Variants in FHIT observed in about 807,000 individuals in gnomAD.
The protein encoded by FHIT is bis(5'-adenosyl)-triphosphatase.
In FHIT, 19 loss-of-function variants were observed where a neutral mutation model predicts 17.9. The ratio of observed to expected loss-of-function variants is 1.06; its 90% CI spans 0.74 to 1.56. The LOEUF (loss-of-function observed/expected upper bound fraction) is 1.56, where lower values mean the gene tolerates loss of function less well. FHIT is among the 40% of genes most tolerant of loss of function. The probability of loss-of-function intolerance (pLI) is 0.00; values close to 1 mark genes in which losing one functional copy is unlikely to be tolerated. For synonymous variants in FHIT, 81 were observed against 69.7 expected (o/e 1.16, Z -0.81); for missense variants, 248 against 189.2 (o/e 1.31, Z -1.82).
At chr3:60,932,359 C>G (rs1466949395) in intron 3 of FHIT, among the ~76,000 whole-genome samples, 1 of 152,160 alleles carries the variant, frequency 6.6e-6, no homozygotes, top group Admixed American at 6.5e-5. Context: ...CTTCCTATCT[C>G]TTCTCCACCC....
At chr3:59,878,909 T>C (rs1308353054) in intron 8 of FHIT, among the ~76,000 whole-genome samples, 1 of 152,174 alleles carries the variant, frequency 6.6e-6, no homozygotes, top group Non-Finnish European at 1.5e-5. Context: ...ACTCCCCTTG[T>C]TCATATCTTA....
intron 4 of FHIT, among the ~76,000 whole-genome samples, chr3:60,568,396 G>C (rs962030841): frequency 2.0e-4 from 31 of 151,810 alleles, no homozygotes; most frequent in African/African-American, 9.7e-5. Flanking sequence ...TCATAGGTGG[G>C]AATTGAACAA....
At chr3:60,115,402 T>C (rs1704911415) in intron 5 of FHIT, among the ~76,000 whole-genome samples, 1 of 152,196 alleles carries the variant, frequency 6.6e-6, no homozygotes, top group Non-Finnish European at 1.5e-5. Flanking sequence ...TACCATATGA[T>C]AAAATACTCA....
At chr3:60,189,251 G>C (rs1361196188) in intron 5 of FHIT, among the ~76,000 whole-genome samples, 1 of 152,092 alleles carries the variant, frequency 6.6e-6, no homozygotes, top group East Asian at 1.9e-4. Flanking sequence ...GGGGGGGAAA[G>C]AGGAGAAAGA....
intron 3 of FHIT, among the ~76,000 whole-genome samples, chr3:61,020,570 C>A (rs2032363821): frequency 6.6e-6 from 1 of 152,098 alleles, no homozygotes; most frequent in Admixed American, 6.6e-5. Context: ...AAAAACATAA[C>A]AAATTATAAA....
Position 60,883,600 on chromosome 3 carries a change from A to C in FHIT, c.-110-61589T>G, listed in dbSNP as rs189386829. On this transcript the variant is annotated intron_variant, in intron 3 of 9. Coordinates refer to ENST00000492590, the MANE Select transcript of FHIT (RefSeq NM_002012.4). ...ACTGATTTTTGACAAAATGCCAAAA[A>C]CATTGAGTGTGCAAAGGACAGTCTA... Among the ~76,000 whole-genome samples the C allele has an allele frequency of 1.6e-4, 25 of 152,318 alleles. No homozygotes were observed. The East Asian group carries it at 4.6e-3, about 28-fold the overall frequency.
At chr3:61,127,295 A>G (rs1195969324) in intron 2 of FHIT, among the ~76,000 whole-genome samples, 2 of 152,152 alleles carry the variant, frequency 1.3e-5, no homozygotes, top group Non-Finnish European at 2.9e-5. Flanking sequence ...AAGACTAGAC[A>G]CTGCCATGGC....
At chr3:60,735,110 G>A (rs1010265450) in intron 4 of FHIT, among the ~76,000 whole-genome samples, 1 of 152,130 alleles carries the variant, frequency 6.6e-6, no homozygotes, top group Non-Finnish European at 1.5e-5. Context: ...AAAATTATGT[G>A]GATTGGTTGA....
chr3:59,834,469 A>G (rs950582485), intron 8 of FHIT, among the ~76,000 whole-genome samples: 2 of 152,214 alleles, frequency 1.3e-5, no homozygotes, highest in Non-Finnish European at 2.9e-5. Context: ...TCAAAATATT[A>G]TAAACTGGTT....
chr3:60,438,159 G>A (rs942143900), intron 5 of FHIT, among the ~76,000 whole-genome samples: 8 of 151,980 alleles, frequency 5.3e-5, no homozygotes, highest in African/African-American at 1.7e-4. Context: ...GCTCACTCAA[G>A]CAAAGCTATC....
intron 5 of FHIT, among the ~76,000 whole-genome samples, chr3:60,492,321 G>C (rs1446770483): frequency 2.8e-4 from 43 of 152,052 alleles, no homozygotes; most frequent in Non-Finnish European, 1.0e-4. Context: ...TCAAATAATT[G>C]TTTCTCACAT....
chr3:60,095,853 T>G (rs1165622361), intron 5 of FHIT, among the ~76,000 whole-genome samples: 3 of 152,196 alleles, frequency 2.0e-5, no homozygotes, highest in Non-Finnish European at 4.4e-5. Context: ...TTTATTGACT[T>G]GGTCCAGAAT....
At chr3:60,097,106 G>A (rs1203974304) in intron 5 of FHIT, among the ~76,000 whole-genome samples, 1 of 151,306 alleles carries the variant, frequency 6.6e-6, no homozygotes, top group Non-Finnish European at 1.5e-5. Flanking sequence ...GTGGCCAGGT[G>A]AAAACATACC....
At chr3:61,118,215 G>A (rs1394962246) in intron 2 of FHIT, among the ~76,000 whole-genome samples, 1 of 152,174 alleles carries the variant, frequency 6.6e-6, no homozygotes, top group African/African-American at 2.4e-5. Context: ...TTAAGTCGCT[G>A]AAAGGCCTAT....
At chr3:60,535,185 C>A (rs2035936873) in intron 5 of FHIT, among the ~76,000 whole-genome samples, 1 of 152,178 alleles carries the variant, frequency 6.6e-6, no homozygotes, top group Non-Finnish European at 1.5e-5. Context: ...GATTGTGCCA[C>A]TGCAACTTAG....
At chr3:61,078,619 C>T (rs1010643576) in intron 2 of FHIT, among the ~76,000 whole-genome samples, 1 of 152,166 alleles carries the variant, frequency 6.6e-6, no homozygotes, top group African/African-American at 2.4e-5. Context: ...AAAGACTGAT[C>T]ATTGCTTATG....
intron 5 of FHIT, among the ~76,000 whole-genome samples, chr3:60,097,285 G>C (rs1703992572): frequency 6.6e-6 from 1 of 152,066 alleles, no homozygotes. Flanking sequence ...TGGAATAGTA[G>C]GAAGGGGGAG....
At chr3:60,397,091 A>G (rs1187338485) in intron 5 of FHIT, among the ~76,000 whole-genome samples, 1 of 152,224 alleles carries the variant, frequency 6.6e-6, no homozygotes, top group Non-Finnish European at 1.5e-5. Context: ...TAGAAAATGT[A>G]TTATACAGAT....
rs1700740308 is a variant in FHIT at position 59,749,041 on chromosome 3, G to GT, written c.*543_*544insA. On this transcript the variant is annotated 3_prime_UTR_variant, in exon 10 of 10. Coordinates refer to ENST00000492590, the MANE Select transcript of FHIT (RefSeq NM_002012.4). ...TGAGGGAATAATCACGAAAGCTGGA[G>GT]AAGGCCAAGTCTATCTGACCTTCAG... 6.6e-6 allele frequency among the ~76,000 whole-genome samples: 1 copy of GT among 152,154 alleles called. No individual in the cohort carries two copies.
Sources: allele counts gnomAD v4.1 joint callset (sites outside exome capture counted in the v4.1 genomes callset), GRCh38; gene constraint gnomAD v4.1.1; transcripts MANE v1.5; gene names NCBI Gene and HGNC (gene_info 2026-07-23, HGNC 2026-07-21).